Variants in INSIG2 observed in about 807,000 individuals in gnomAD.
The protein encoded by INSIG2 is insulin induced gene 2, also known as insulin-induced gene 2 protein.
Under a neutral mutation model 27.2 loss-of-function variants are expected in INSIG2, and 10 were observed. That is an observed-to-expected ratio of 0.37 (90% CI 0.23 to 0.62). The LOEUF is 0.62. INSIG2 is among the 20% of genes least tolerant of loss of function. The pLI, the probability that INSIG2 is intolerant of heterozygous loss-of-function variation, is 0.65. For synonymous variants in INSIG2, 97 were observed against 95.8 expected (o/e 1.01, Z -0.07); for missense variants, 178 against 270.2 (o/e 0.66, Z 2.39).
chr2:118,094,781 A>T (rs1013497857), intron 1 of INSIG2, among the ~76,000 whole-genome samples: 2 of 152,144 alleles, frequency 1.3e-5, no homozygotes, highest in Non-Finnish European at 2.9e-5. Flanking sequence ...TCATTTTCAT[A>T]CTAGTTATTT....
intron 2 of INSIG2, among the ~76,000 whole-genome samples, chr2:118,098,089 T>G (rs1365695930): frequency 6.6e-6 from 1 of 152,228 alleles, no homozygotes; most frequent in African/African-American, 2.4e-5. Flanking sequence ...AAAAAACAAA[T>G]TAAATTGTAT....
chr2:118,099,584 A>G (rs1285474142), intron 2 of INSIG2, among the ~76,000 whole-genome samples: 2 of 152,246 alleles, frequency 1.3e-5, no homozygotes, highest in Non-Finnish European at 2.9e-5. Flanking sequence ...AAATCTTTCT[A>G]AAGAATAAAT....
In INSIG2 at chr2:118,110,373, A is replaced by G. The variant is rs1347210405; in HGVS notation, c.*2051A>G. 6.6e-6 allele frequency: 1 copy of G among 152,246 alleles called. No individual in the cohort carries two copies. Among genetic ancestry groups the G allele is most frequent in the Non-Finnish European group, 1.5e-5 (1 of 68,050 alleles). 9.4% of individuals were successfully genotyped at this position (152,246 alleles called of 1,614,324 possible). A position where few individuals can be genotyped will look rare whatever the true frequency, so the allele number is the denominator to read the frequency against. On this transcript the variant is annotated 3_prime_UTR_variant, in exon 6 of 6. Transcript: ENST00000245787. ...GGAAAAGAAAATGTGTTTACTCTTC[A>G]TTCAGTGGAAGTGGACCATCCTAAA... is the stretch of plus-strand genomic sequence containing the variant.
chr2:118,108,024 C>G (rs1274563427), intron 5 of INSIG2, among the ~76,000 whole-genome samples: 1 of 152,154 alleles, frequency 6.6e-6, no homozygotes, highest in Admixed American at 6.5e-5. Flanking sequence ...TATACTGCCA[C>G]TACTTGCTTG....
Position 118,109,035 on chromosome 2 carries a change from G to T in INSIG2, c.*713G>T, listed in dbSNP as rs1678746491. On this transcript the variant is annotated 3_prime_UTR_variant, in exon 6 of 6. Coordinates refer to ENST00000245787, the MANE Select transcript of INSIG2 (RefSeq NM_016133.4). Reference sequence around the variant, plus strand: ...AGGTTATCAGCATTAAATTGTTTTGGTTCTAAATTTGGAACAGTATATATA... The same window carrying T: ...AGGTTATCAGCATTAAATTGTTTTGTTTCTAAATTTGGAACAGTATATATA... 6.6e-6 allele frequency: 1 copy of T among 152,154 alleles called. No homozygotes were observed. Among genetic ancestry groups the T allele is most frequent in the Non-Finnish European group, 1.5e-5 (1 of 68,022 alleles). 9.4% of individuals were successfully genotyped at this position (152,154 alleles called of 1,614,324 possible).
chr2:118,099,411 G>A (rs1678488752), intron 2 of INSIG2, among the ~76,000 whole-genome samples: 1 of 152,156 alleles, frequency 6.6e-6, no homozygotes, highest in African/African-American at 2.4e-5. Flanking sequence ...GTTCTGGTGG[G>A]ACAACTAATA....
intron 5 of INSIG2, among the ~76,000 whole-genome samples, chr2:118,107,612 C>A (rs1678706207): frequency 6.6e-6 from 1 of 152,158 alleles, no homozygotes. Flanking sequence ...AAGGAAAAGG[C>A]TAGGGAGTGA....
chr2:118,106,254 C>T (rs970928348), intron 3 of INSIG2, among the ~76,000 whole-genome samples: 11 of 152,158 alleles, frequency 7.2e-5, no homozygotes, highest in Admixed American at 7.2e-4. Context: ...GAATGTGGTA[C>T]CCTGTTAAAT....
rs150819265 is a variant in INSIG2 at position 118,110,409 on chromosome 2, C to G, written c.*2087C>G. 6.6e-6 allele frequency: 1 copy of G among 151,430 alleles called. No individual in the cohort carries two copies. Among genetic ancestry groups the G allele is most frequent in the African/African-American group, 2.4e-5 (1 of 41,168 alleles). 9.4% of individuals were successfully genotyped at this position (151,430 alleles called of 1,614,324 possible). On this transcript the variant is annotated 3_prime_UTR_variant, in exon 6 of 6. Coordinates refer to ENST00000245787, the MANE Select transcript of INSIG2 (RefSeq NM_016133.4). ...GTGGACCATCCTAAAAGTCTTCACT[C>G]ATGCTATCTTCATGCTGAGTAGTAG... is the stretch of plus-strand genomic sequence containing the variant.
intron 1 of INSIG2, among the ~76,000 whole-genome samples, chr2:118,093,866 G>T (rs199684403): frequency 0.33 from 18,981 of 56,980 alleles, 3,655 homozygotes; most frequent in Non-Finnish European, 0.43. Flanking sequence ...ATGATGATGA[G>T]GAGGAGGAGG....
chr2:118,100,543 T>C (rs1037932889), intron 2 of INSIG2, among the ~76,000 whole-genome samples: 2 of 151,916 alleles, frequency 1.3e-5, no homozygotes, highest in African/African-American at 4.8e-5. Flanking sequence ...TACGTCCAGC[T>C]ATTTTTTTGT....
intron 3 of INSIG2, among the ~76,000 whole-genome samples, chr2:118,105,837 C>G (rs1289384393): frequency 6.6e-6 from 1 of 152,144 alleles, no homozygotes; most frequent in Non-Finnish European, 1.5e-5. Context: ...TCCCCAGTAG[C>G]TGGTTATAGA....
At chr2:118,099,876 C>T (rs771987224) in intron 2 of INSIG2, among the ~76,000 whole-genome samples, 10 of 152,016 alleles carry the variant, frequency 6.6e-5, no homozygotes, top group East Asian at 3.9e-4. Flanking sequence ...TAGTCTTTGC[C>T]GGCCTCTAGT....
At chr2:118,100,675 G>A (rs1297067677) in intron 2 of INSIG2, among the ~76,000 whole-genome samples, 2 of 152,094 alleles carry the variant, frequency 1.3e-5, no homozygotes, top group Non-Finnish European at 2.9e-5. Flanking sequence ...ACCACGCCTG[G>A]CCTTACCTTT....
Position 118,109,045 on chromosome 2 carries a change from T to C in INSIG2, c.*723T>C, listed in dbSNP as rs1242647488. 1 of 152,236 alleles carries C rather than the reference T, an allele frequency of 6.6e-6. No individual in the cohort carries two copies. Among genetic ancestry groups the C allele is most frequent in the East Asian group, 1.9e-4 (1 of 5,198 alleles). 9.4% of individuals were successfully genotyped at this position (152,236 alleles called of 1,614,324 possible). A position where few individuals can be genotyped will look rare whatever the true frequency, so the allele number is the denominator to read the frequency against. On this transcript the variant is annotated 3_prime_UTR_variant, in exon 6 of 6. Transcript: ENST00000245787. ...CATTAAATTGTTTTGGTTCTAAATT[T>C]GGAACAGTATATATAATTAAAAGTA... is the stretch of plus-strand genomic sequence containing the variant.
At chr2:118,106,710 A>C in intron 3 of INSIG2, 27 bp from the exon 4 acceptor site, 1 of 1,593,096 alleles carries the variant, frequency 6.3e-7, no homozygotes, top group Non-Finnish European at 8.6e-7. Context: ...TACAACTTTT[A>C]AGATGACTTC....
intron 2 of INSIG2, among the ~76,000 whole-genome samples, chr2:118,102,056 A>G (rs934001629): frequency 6.6e-6 from 1 of 152,204 alleles, no homozygotes; most frequent in South Asian, 2.1e-4. Context: ...GCTGGCTAAT[A>G]CTGGGTAGGG....
rs139239474 is a variant in INSIG2 at position 118,110,654 on chromosome 2, T to G, written c.*2332T>G. The stretch of plus-strand genomic sequence containing the variant: ...CAAAAAATAAAATTGTTTTGAAATT[T>G]TGATAAATATATAAATGTATAGAAC... On this transcript the variant is annotated 3_prime_UTR_variant, in exon 6 of 6. Transcript: ENST00000245787. 2.0e-5 allele frequency: 3 copies of G among 152,240 alleles called. No homozygotes were observed. The highest frequency in any genetic ancestry group is 6.5e-5 in the Admixed American group (1 of 15,282). 9.4% of individuals were successfully genotyped at this position (152,240 alleles called of 1,614,324 possible). A position where few individuals can be genotyped will look rare whatever the true frequency, so the allele number is the denominator to read the frequency against.
chr2:118,106,385 C>T (rs1447551031), intron 3 of INSIG2, among the ~76,000 whole-genome samples: 2 of 152,282 alleles, frequency 1.3e-5, no homozygotes, highest in East Asian at 1.9e-4. Context: ...TACTTGTGTT[C>T]TGAGGCTTCC....
Sources: allele counts gnomAD v4.1 joint callset (sites outside exome capture counted in the v4.1 genomes callset), GRCh38; gene constraint gnomAD v4.1.1; transcripts MANE v1.5; gene names NCBI Gene and HGNC (gene_info 2026-07-23, HGNC 2026-07-21).